SNX29: variants seen among roughly 807,000 people sequenced by gnomAD.
SNX29 encodes sorting nexin 29, also known as sorting nexin-29.
SNX29 carries 78 observed loss-of-function variants against 102.1 expected under a neutral mutation model. That is an observed-to-expected ratio of 0.76 (90% CI 0.64 to 0.92). SNX29 has a LOEUF of 0.92. SNX29 is among the 40% of genes least tolerant of loss of function. The pLI is 0.00. For synonymous variants in SNX29, 580 were observed against 414.5 expected, an observed-to-expected ratio of 1.40 and a Z score of -4.85; for missense variants, 1,280 against 1,061.7, an observed-to-expected ratio of 1.21 and a Z score of -2.86.
chr16:12,356,561 T>C (rs1450949224), intron 16 of SNX29, among the ~76,000 whole-genome samples: 2 of 152,256 alleles, frequency 1.3e-5, no homozygotes, highest in Non-Finnish European at 1.5e-5. Context: ...TTCCATACTT[T>C]ACTACATGGG....
At chr16:12,467,443 G>A (rs1370791521) in intron 18 of SNX29, among the ~76,000 whole-genome samples, 1 of 152,096 alleles carries the variant, frequency 6.6e-6, no homozygotes, top group Non-Finnish European at 1.5e-5. Flanking sequence ...TATTGTATTT[G>A]ACATGTATCC....
intron 15 of SNX29, among the ~76,000 whole-genome samples, chr16:12,345,088 C>CT (rs1256621541): frequency 2.0e-5 from 3 of 152,334 alleles, no homozygotes; most frequent in Admixed American, 6.5e-5. Context: ...GAAATAAGCC[C>CT]TACAAGTGTC....
chr16:11,978,540 C>T (rs1460322529), intron 1 of SNX29, among the ~76,000 whole-genome samples: 1 of 152,150 alleles, frequency 6.6e-6, no homozygotes, highest in Non-Finnish European at 1.5e-5. Flanking sequence ...CTCAGAGCTG[C>T]CTGCTGTTGT....
At chr16:11,977,179 G>A in intron 1 of SNX29, 1 of 273,154 alleles carries the variant, frequency 3.7e-6, no homozygotes, top group Non-Finnish European at 6.8e-6. Flanking sequence ...CTGCGTCCCA[G>A]CTCCAGTTCC....
chr16:12,258,465 A>C (rs1269258918), intron 14 of SNX29, among the ~76,000 whole-genome samples: 1 of 152,054 alleles, frequency 6.6e-6, no homozygotes, highest in African/African-American at 2.4e-5. Context: ...TGTCTGCAGG[A>C]GCTCTCCTGA....
At chr16:12,129,867 G>C in intron 13 of SNX29, 109 bp downstream of exon 13, 3 of 1,322,218 alleles carry the variant, frequency 2.3e-6, no homozygotes, top group South Asian at 3.2e-5. Flanking sequence ...CACTTTGGGA[G>C]GCCAAGGCGG....
intron 1 of SNX29, among the ~76,000 whole-genome samples, chr16:11,998,718 C>T (rs11639821): frequency 0.39 from 59,531 of 152,008 alleles, 13,150 homozygotes; most frequent in Non-Finnish European, 0.51. Context: ...ACTTTGGGAG[C>T]CACTTCTGCT....
chr16:12,431,790 G>C (rs576454946), intron 18 of SNX29, among the ~76,000 whole-genome samples: 2 of 152,222 alleles, frequency 1.3e-5, no homozygotes, highest in Non-Finnish European at 2.9e-5. Context: ...GGTGCTGTGA[G>C]GTCGGGTAAT....
chr16:12,505,143 C>A (rs2089314382), intron 19 of SNX29, among the ~76,000 whole-genome samples: 1 of 152,210 alleles, frequency 6.6e-6, no homozygotes, highest in East Asian at 1.9e-4. Context: ...GAGACTCCTA[C>A]TGTGAATGTT....
chr16:12,365,404 C>T (rs1052238226), intron 16 of SNX29, among the ~76,000 whole-genome samples: 7 of 149,158 alleles, frequency 4.7e-5, no homozygotes, highest in Admixed American at 6.7e-5. Context: ...TCAGGCTCTT[C>T]GGAGGCCGGG....
intron 5 of SNX29, among the ~76,000 whole-genome samples, chr16:12,045,737 C>T (rs1172419302): frequency 6.6e-6 from 1 of 151,842 alleles, no homozygotes; most frequent in Non-Finnish European, 1.5e-5. Context: ...GATTCTCCTG[C>T]CTCAGCCTCC....
chr16:12,546,938 AAAAT>A (rs2077642411), intron 20 of SNX29, among the ~76,000 whole-genome samples: 2 of 152,196 alleles, frequency 1.3e-5, no homozygotes, highest in Non-Finnish European at 2.9e-5. Flanking sequence ...GGATGAAGAG[AAAAT>A]AAATTCCCCA....
chr16:12,265,988 C>T (rs530297204), intron 14 of SNX29, among the ~76,000 whole-genome samples: 175 of 152,212 alleles, frequency 1.1e-3, no homozygotes, highest in African/African-American at 3.9e-3. Flanking sequence ...ACCATTATCC[C>T]CATTTTACAA....
intron 19 of SNX29, among the ~76,000 whole-genome samples, chr16:12,493,752 C>G (rs147539429): frequency 0.01 from 1,594 of 152,254 alleles, 30 homozygotes; most frequent in African/African-American, 0.037. Flanking sequence ...CCACCACGCC[C>G]AACTAATTTT....
chr16:12,198,345 A>G (rs2076830174), intron 13 of SNX29, among the ~76,000 whole-genome samples: 1 of 152,204 alleles, frequency 6.6e-6, no homozygotes, highest in African/African-American at 2.4e-5. Flanking sequence ...TAGAGAAATA[A>G]TAGGATGGAT....
intron 3 of SNX29, among the ~76,000 whole-genome samples, chr16:12,014,437 T>C (rs1374128985): frequency 6.6e-6 from 1 of 151,794 alleles, no homozygotes; most frequent in Non-Finnish European, 1.5e-5. Context: ...TTAGTAACAT[T>C]TGGAAATTAT....
chr16:12,410,154 C>G (rs1053162516), intron 18 of SNX29, among the ~76,000 whole-genome samples: 1 of 152,078 alleles, frequency 6.6e-6, no homozygotes, highest in African/African-American at 2.4e-5. Context: ...ATCACCACGC[C>G]TGGCTAATTT....
intron 11 of SNX29, among the ~76,000 whole-genome samples, chr16:12,105,261 TGTC>T (rs561204442): frequency 2.2e-5 from 3 of 134,374 alleles, no homozygotes; most frequent in Non-Finnish European, 4.7e-5. Flanking sequence ...TGTCTCACTC[TGTC>T]GCTAGGCTGG....
At chr16:11,997,719 T>TC in intron 1 of SNX29, among the ~76,000 whole-genome samples, 3 of 152,128 alleles carry the variant, frequency 2.0e-5, no homozygotes, top group African/African-American at 7.2e-5. Flanking sequence ...TGTCAAGCAA[T>TC]CTTCCTGCCT....
Sources: gnomAD v4.1 joint callset for allele counts (sites outside exome capture counted in the v4.1 genomes callset) on GRCh38, gnomAD v4.1.1 for gene constraint, MANE v1.5 for transcripts, NCBI Gene and HGNC (gene_info 2026-07-23, HGNC 2026-07-21) for gene names.